The following SYT16 variants were observed in gnomAD, a reference collection of about 807,000 sequenced individuals.
SYT16 encodes synaptotagmin-16.
A neutral mutation model predicts 61.4 loss-of-function variants in SYT16; 42 were observed. The ratio of observed to expected loss-of-function variants is 0.68; its 90% CI spans 0.53 to 0.89. SYT16 has a LOEUF of 0.89. Ranked by LOEUF, SYT16 falls within the 40% of genes least tolerant of loss-of-function variation. The pLI is 0.00. For missense variants in SYT16, 804 were observed against 807.3 expected (o/e 1.00, Z 0.05); for synonymous variants, 314 against 302.3 (o/e 1.04, Z -0.40).
intron 3 of SYT16, among the ~76,000 whole-genome samples, chr14:62,024,276 T>C (rs2054018428): frequency 6.6e-6 from 1 of 152,068 alleles, no homozygotes; most frequent in Non-Finnish European, 1.5e-5. Flanking sequence ...AGTAGTAGTG[T>C]AAATATACTT....
At chr14:61,883,949 C>G (rs1215736869) in intron 1 of SYT16, among the ~76,000 whole-genome samples, 1 of 152,172 alleles carries the variant, frequency 6.6e-6, no homozygotes, top group Non-Finnish European at 1.5e-5. Flanking sequence ...CACTAACTAT[C>G]ATGAGAACAG....
rs116872302 is a variant in SYT16, at chr14:62,035,231, A to G, written c.524-34372A>G. 3.5e-3 allele frequency among the ~76,000 whole-genome samples: 531 copies of G among 152,306 alleles called. 2 individuals are homozygous for G. The highest frequency in any genetic ancestry group is 6.5e-3 in the Non-Finnish European group (439 of 68,024). The stretch of plus-strand genomic sequence containing the variant: ...AATTTGGATCATGACCAGTTTTAGC[A>G]TATATTCCAGAACTCAGCATGCAGC... On this transcript the variant is annotated intron_variant, in intron 3 of 7. Transcript: ENST00000683842.
intron 3 of SYT16, among the ~76,000 whole-genome samples, chr14:62,057,811 A>C (rs2055632044): frequency 6.6e-6 from 1 of 152,212 alleles, no homozygotes; most frequent in South Asian, 2.1e-4. Context: ...AATAAACCGC[A>C]CATACATAAA....
intron 3 of SYT16, among the ~76,000 whole-genome samples, chr14:62,003,356 T>C (rs2053097575): frequency 6.6e-6 from 1 of 152,010 alleles, no homozygotes; most frequent in South Asian, 2.1e-4. Flanking sequence ...ATTTGGTTTG[T>C]GACTCCCATG....
intron 1 of SYT16, among the ~76,000 whole-genome samples, chr14:61,949,267 AC>A (rs935028753): frequency 6.6e-6 from 1 of 152,018 alleles, no homozygotes; most frequent in Non-Finnish European, 1.5e-5. Context: ...ACCTCATATC[AC>A]CCTGGTTATA....
intron 1 of SYT16, among the ~76,000 whole-genome samples, chr14:61,916,923 A>G (rs1054501107): frequency 6.6e-6 from 1 of 152,100 alleles, no homozygotes; most frequent in African/African-American, 2.4e-5. Context: ...ACAGGATTTC[A>G]TTCTTTTTTT....
At chr14:61,813,804 A>AT (rs570260110) in intron 1 of SYT16, among the ~76,000 whole-genome samples, 11,243 of 130,420 alleles carry the variant, frequency 0.086, 552 homozygotes, top group African/African-American at 0.14. Flanking sequence ...TTTGGAAGGT[A>AT]TTTTTTTTTT....
chr14:62,042,160 A>T (rs2054758217), intron 3 of SYT16, among the ~76,000 whole-genome samples: 1 of 151,306 alleles, frequency 6.6e-6, no homozygotes, highest in African/African-American at 2.4e-5. Context: ...CATCCCTAAA[A>T]TTTTTTTTCT....
chr14:62,061,527 CG>C (rs895734293), intron 3 of SYT16, among the ~76,000 whole-genome samples: 1 of 151,944 alleles, frequency 6.6e-6, no homozygotes, highest in Admixed American at 6.6e-5. Flanking sequence ...TAAACACAGA[CG>C]GGTTGAAAAT....
chr14:61,921,166 G>C (rs2049320884), intron 1 of SYT16, among the ~76,000 whole-genome samples: 2 of 152,196 alleles, frequency 1.3e-5, no homozygotes, highest in Non-Finnish European at 2.9e-5. Context: ...ATCTAGCACA[G>C]AACCTGGCAC....
intron 4 of SYT16, among the ~76,000 whole-genome samples, chr14:62,073,071 C>G (rs1220452790): frequency 6.6e-6 from 1 of 152,110 alleles, no homozygotes; most frequent in Non-Finnish European, 1.5e-5. Context: ...TTTCCTCCTC[C>G]TCGCAACTTG....
chr14:62,043,453 G>T lies in SYT16; in HGVS notation c.524-26150G>T, dbSNP rs1421316723. 2.7e-5 allele frequency among the ~76,000 whole-genome samples: 4 copies of T among 147,946 alleles called. No individual in the cohort carries two copies. The South Asian group carries it at 8.6e-4, about 32-fold the overall frequency. ...GATGGAGTGTTTCTCTGTCGCCCAGGCTGGAGTGCAGTGGTGTGATCTCAG... is the reference window on the plus strand; with the variant it reads ...GATGGAGTGTTTCTCTGTCGCCCAGTCTGGAGTGCAGTGGTGTGATCTCAG... On this transcript the variant is annotated intron_variant, in intron 3 of 7. Coordinates refer to ENST00000683842, the MANE Select transcript of SYT16 (RefSeq NM_001367656.1).
At chr14:61,823,378 A>G (rs1391982100) in intron 1 of SYT16, among the ~76,000 whole-genome samples, 1 of 151,942 alleles carries the variant, frequency 6.6e-6, no homozygotes, top group East Asian at 1.9e-4. Context: ...TAATATGCTT[A>G]TGTTGTATAC....
chr14:61,892,688 G>T (rs563150724), intron 1 of SYT16, among the ~76,000 whole-genome samples: 9 of 152,296 alleles, frequency 5.9e-5, no homozygotes, highest in African/African-American at 2.2e-4. Context: ...AGAACCGATG[G>T]GGGGTGGTGA....
chr14:61,901,761 TA>T (rs201266077), intron 1 of SYT16, among the ~76,000 whole-genome samples: 5,095 of 146,944 alleles, frequency 0.035, 241 homozygotes, highest in African/African-American at 0.11. Flanking sequence ...ATAATAATAA[TA>T]ATTATTATTA....
chr14:62,020,241 C>A (rs960060203), intron 3 of SYT16, among the ~76,000 whole-genome samples: 1 of 152,120 alleles, frequency 6.6e-6, no homozygotes, highest in Non-Finnish European at 1.5e-5. Context: ...TCAATTATTT[C>A]ATTTTCTTAA....
chr14:62,039,288 G>T (rs2054623437), intron 3 of SYT16, among the ~76,000 whole-genome samples: 1 of 152,162 alleles, frequency 6.6e-6, no homozygotes, highest in South Asian at 2.1e-4. Flanking sequence ...GAAAAGACAA[G>T]GCATGAGGTG....
At chr14:62,061,874 T>G (rs1158979286) in intron 3 of SYT16, among the ~76,000 whole-genome samples, 1 of 152,202 alleles carries the variant, frequency 6.6e-6, no homozygotes, top group Non-Finnish European at 1.5e-5. Flanking sequence ...CTGTGTTCCC[T>G]TCTTTCAGAA....
chr14:61,856,080 AG>A, intron 1 of SYT16, among the ~76,000 whole-genome samples: 1 of 152,204 alleles, frequency 6.6e-6, no homozygotes, highest in Admixed American at 6.5e-5. Context: ...AGCGAGTGGA[AG>A]GGAGTGCAGG....
Sources: allele counts gnomAD v4.1 joint callset (sites outside exome capture counted in the v4.1 genomes callset), GRCh38; gene constraint gnomAD v4.1.1; transcripts MANE v1.5; gene names NCBI Gene and HGNC (gene_info 2026-07-23, HGNC 2026-07-21).